The following HSF1 variants were observed in gnomAD, a reference collection of about 807,000 sequenced individuals.
HSF1 encodes the protein heat shock transcription factor 1, also known as heat shock factor protein 1.
Under a neutral mutation model 51.7 loss-of-function variants are expected in HSF1, and 32 were observed. That is an observed-to-expected ratio of 0.62 (90% CI 0.47 to 0.83). HSF1 has a LOEUF of 0.83. HSF1 is among the 40% of genes least tolerant of loss of function. The pLI is 0.00. For missense variants in HSF1, 727 were observed against 717.0 expected, an observed-to-expected ratio of 1.01 and a Z score of -0.16; for synonymous variants, 396 against 309.7, an observed-to-expected ratio of 1.28 and a Z score of -2.92.
At position 144,314,264 on chromosome 8, in the gene HSF1, G is replaced by C; in HGVS notation, c.1524G>C (p.Glu508Asp). ...SYFSEGDGFA[E>D]DPTISLLTGS... ...TCTCCGAAGGGGACGGCTTCGCCGA[G>C]GACCCCACCATCTCCCTGCTGACAG... is the stretch of plus-strand genomic sequence containing the variant. The change falls in exon 13 of 13, where the codon GAG (glutamate) becomes GAC (aspartate). Residue 508 changes from glutamate (E) to aspartate (D), a missense_variant. Glu to Asp is a conservative substitution (Grantham distance 45). Transcript: ENST00000528838. 1 of 1,550,938 alleles carries C rather than the reference G, an allele frequency of 6.4e-7. No homozygotes were observed. The highest frequency in any genetic ancestry group is 8.7e-7 in the Non-Finnish European group (1 of 1,147,216).
chr8:144,292,267 G>C (rs1588616950), intron 1 of HSF1, among the ~76,000 whole-genome samples: 1 of 152,262 alleles, frequency 6.6e-6, no homozygotes, highest in East Asian at 1.9e-4. Flanking sequence ...AGCCTACGGG[G>C]TGCTGGGTCG....
At chr8:144,300,212 C>CTTTTTTTTTT (rs1176636210) in intron 1 of HSF1, among the ~76,000 whole-genome samples, 1 of 87,742 alleles carries the variant, frequency 1.1e-5, no homozygotes, top group Non-Finnish European at 2.1e-5. Context: ...GTTGTGTACT[C>CTTTTTTTTTT]TTTTTTTTTT....
intron 1 of HSF1, among the ~76,000 whole-genome samples, chr8:144,301,592 C>A (rs188777322): frequency 6.6e-6 from 1 of 152,154 alleles, no homozygotes; most frequent in Non-Finnish European, 1.5e-5. Flanking sequence ...AGAGGCCGGG[C>A]GCGGTGGCTC....
At position 144,314,109 on chromosome 8, in the gene HSF1, AC is replaced by A. The variant is rs532852421; in HGVS notation, c.1385-11del. ...GCCCCCAACCCCCCACCGCCTTGAC[AC>A]CCCCACCCCCGCAGGGAAGCAGCTG... is the stretch of plus-strand genomic sequence containing the variant. On this transcript the variant is annotated splice_polypyrimidine_tract_variant and intron_variant, in intron 12 of 12. Transcript: ENST00000528838. 64 of 956,374 alleles carry A rather than the reference AC, an allele frequency of 6.7e-5. 2 individuals are homozygous for A. In the East Asian group the frequency reaches 3.5e-3, roughly 52 times the overall value. The allele number at this position is 956,374 out of a possible 1,614,324, so 59.2% of individuals were successfully genotyped here.
chr8:144,312,241 A>G lies in HSF1; in HGVS notation c.1139A>G (p.Asp380Gly). The change falls in exon 9 of 13, where the codon GAC (aspartate) becomes GGC (glycine). Residue 380 changes from aspartate (D) to glycine (G), a missense_variant. Transcript: ENST00000528838. ...PEKCLSVACLDKNELSDHLDA... is the reference protein window; with the variant it reads ...PEKCLSVACLGKNELSDHLDA... ...AAGTGCCTCAGCGTAGCCTGCCTGG[A>G]CAAGTGAGTGCCGCCCACCCCTGGC... The G allele has an allele frequency of 7.4e-7, 1 of 1,346,268 alleles. No individual in the cohort carries two copies. The highest frequency in any genetic ancestry group is 9.7e-7 in the Non-Finnish European group (1 of 1,026,644). The allele number at this position is 1,346,268 out of a possible 1,614,324, so 83.4% of individuals were successfully genotyped here.
rs782075339 is a variant in HSF1 at position 144,291,778 on chromosome 8, C to T, written c.21C>T (p.Pro7=). 1.6e-5 allele frequency: 24 copies of T among 1,532,146 alleles called. No homozygotes were observed. The highest frequency in any genetic ancestry group is 1.4e-4 in the East Asian group (5 of 36,706). 94.9% of individuals were successfully genotyped at this position (1,532,146 alleles called of 1,614,324 possible). A position where few individuals can be genotyped will look rare whatever the true frequency, so the allele number is the denominator to read the frequency against. The part of the protein sequence containing the change: MDLPVG[P]GAAGPSNVPA... ...TCGAGATGGATCTGCCCGTGGGCCC[C>T]GGCGCGGCGGGGCCCAGCAACGTCC... Residue 7 remains proline (P), a synonymous_variant, in exon 1 of 13, where the codon CCC becomes CCT. Transcript: ENST00000528838. The surrounding 1 kb of genome is among the most constrained non-coding windows in gnomAD (Gnocchi z 4.1).
intron 9 of HSF1, chr8:144,312,741 A>C: frequency 6.6e-7 from 1 of 1,525,236 alleles, no homozygotes; most frequent in Non-Finnish European, 8.8e-7. Context: ...GGGAGGGAGG[A>C]GGGCTCTGCC....
rs370804984 is a variant in HSF1, at chr8:144,314,003, C to A, written c.1333C>A (p.Pro445Thr). ...SLASIQELLS[P>T]QEPPRPPEAE... ...CCCACAGATCCAAGAGCTCCTGTCT[C>A]CCCAGGAGCCCCCCAGGCCTCCCGA... is the stretch of plus-strand genomic sequence containing the variant. Residue 445 changes from proline to threonine, a missense_variant, in exon 12 of 13, where the codon CCC becomes ACC. Pro to Thr is a conservative substitution (Grantham distance 38). Around this residue, in one of 2 missense-constraint regions of HSF1, gnomAD observed 470 missense variants for 398.8 expected, o/e 1.18. Coordinates refer to ENST00000528838, the MANE Select transcript of HSF1 (RefSeq NM_005526.4). 2 of 1,611,294 alleles carry A rather than the reference C, an allele frequency of 1.2e-6. No homozygotes were observed. The highest frequency in any genetic ancestry group is 8.5e-7 in the Non-Finnish European group (1 of 1,179,476).
rs781861503 is a variant in HSF1, at chr8:144,311,852, C to T, written c.860+16C>T. Reference sequence around the variant, plus strand: ...TAGACGAGAGGTGGGGGCCGCATCACCCCAGCCATCCTGTCCCCCAATGAG... The same window carrying T: ...TAGACGAGAGGTGGGGGCCGCATCATCCCAGCCATCCTGTCCCCCAATGAG... On this transcript the variant is annotated intron_variant, in intron 8 of 12. Coordinates refer to ENST00000528838, the MANE Select transcript of HSF1 (RefSeq NM_005526.4). 96 of 1,593,044 alleles carry T rather than the reference C, an allele frequency of 6.0e-5. No homozygotes were observed. Among genetic ancestry groups the T allele is most frequent in the Non-Finnish European group, 6.8e-5 (80 of 1,170,620 alleles).
At chr8:144,300,358 A>G (rs1161683482) in intron 1 of HSF1, among the ~76,000 whole-genome samples, 1 of 151,936 alleles carries the variant, frequency 6.6e-6, no homozygotes, top group Non-Finnish European at 1.5e-5. Context: ...CTGGGACTAC[A>G]GGCACCCGCC....
intron 1 of HSF1, among the ~76,000 whole-genome samples, chr8:144,302,449 G>A (rs537780445): frequency 2.8e-4 from 43 of 151,970 alleles, no homozygotes; most frequent in African/African-American, 9.2e-4. Context: ...AGAGGTTGCA[G>A]TGAGCTGAGA....
At position 144,291,869 on chromosome 8, in the gene HSF1, A is replaced by C. The variant is rs1554840440; in HGVS notation, c.112A>C (p.Ser38Arg). The C allele has an allele frequency of 6.5e-7, 1 of 1,528,636 alleles. No individual in the cohort carries two copies. Among genetic ancestry groups the C allele is most frequent in the Admixed American group, 1.9e-5 (1 of 51,358 alleles). The allele number at this position is 1,528,636 out of a possible 1,614,324, so 94.7% of individuals were successfully genotyped here. ...GGACACCGACGCGCTCATCTGCTGG[A>C]GCCCGGTGAGGGCAGCGCGCGGGCG... The part of the protein sequence containing the change: ...DPDTDALICW[S>R]PSGNSFHVFD... The change falls in exon 1 of 13, where the codon AGC becomes CGC. Residue 38 changes from serine (S) to arginine (R), a missense_variant. Around this residue, in one of 2 missense-constraint regions of HSF1, gnomAD observed 257 missense variants for 318.3 expected, o/e 0.81. Coordinates refer to ENST00000528838, the MANE Select transcript of HSF1 (RefSeq NM_005526.4). The surrounding 1 kb of genome is among the most constrained non-coding windows in gnomAD (Gnocchi z 4.1).
rs191177777 is a variant in HSF1, at chr8:144,314,423, G to A, written c.*93G>A. 1.7e-6 allele frequency: 2 copies of A among 1,143,166 alleles called. No individual in the cohort carries two copies. Among genetic ancestry groups the A allele is most frequent in the East Asian group, 2.6e-5 (1 of 38,538 alleles). 70.8% of individuals were successfully genotyped at this position (1,143,166 alleles called of 1,614,324 possible). Reference sequence around the variant, plus strand: ...GGGCAGCCTCGCGGTCTTGGGCACTGGTGGGTCGGCCGCCATAGCCCCAGT... The same window carrying A: ...GGGCAGCCTCGCGGTCTTGGGCACTAGTGGGTCGGCCGCCATAGCCCCAGT... On this transcript the variant is annotated 3_prime_UTR_variant, in exon 13 of 13. Coordinates refer to ENST00000528838, the MANE Select transcript of HSF1 (RefSeq NM_005526.4).
At chr8:144,313,158 C>A in intron 9 of HSF1, 2 of 382,908 alleles carry the variant, frequency 5.2e-6, no homozygotes, top group East Asian at 1.0e-4. Flanking sequence ...CTGAGCAGAG[C>A]CCCACCTGTT....
chr8:144,314,507 C>G lies in HSF1; in HGVS notation c.*177C>G, dbSNP rs1351504352. 2 of 614,844 alleles carry G rather than the reference C, an allele frequency of 3.3e-6. No homozygotes were observed. The highest frequency in any genetic ancestry group is 1.8e-5 in the African/African-American group (1 of 54,114). 38.1% of individuals were successfully genotyped at this position (614,844 alleles called of 1,614,324 possible). On this transcript the variant is annotated 3_prime_UTR_variant, in exon 13 of 13. Coordinates refer to ENST00000528838, the MANE Select transcript of HSF1 (RefSeq NM_005526.4). ...TGGTCAGGAGGGTCACCCTGGCCTG[C>G]CAGTCTGCCTTCCCCCAACCCCGTG...
chr8:144,306,054 A>G (rs1426435362), intron 1 of HSF1, among the ~76,000 whole-genome samples: 3 of 151,912 alleles, frequency 2.0e-5, no homozygotes, highest in African/African-American at 7.3e-5. Context: ...TTTTAATCTG[A>G]GTTATTAAAC....
At chr8:144,304,470 G>A (rs1816085163) in intron 1 of HSF1, among the ~76,000 whole-genome samples, 2 of 152,132 alleles carry the variant, frequency 1.3e-5, no homozygotes, top group South Asian at 2.1e-4. Flanking sequence ...TGTAGAGATG[G>A]GGTCTCGCTA....
In HSF1 at chr8:144,309,780, C is replaced by T. The variant is rs1205192866; in HGVS notation, c.372C>T (p.Thr124=). 13 of 1,613,590 alleles carry T rather than the reference C, an allele frequency of 8.1e-6. No individual in the cohort carries two copies. Among genetic ancestry groups the T allele is most frequent in the Non-Finnish European group, 4.2e-6 (5 of 1,179,966 alleles). Residue 124 remains threonine (T), a synonymous_variant, in exon 4 of 13, where the codon ACC becomes ACT. Transcript: ENST00000528838. Reference sequence around the variant, plus strand: ...CCCTCTCGGGAATCCAGGTGTCCACCCTGAAGAGTGAAGACATAAAGATCC... The same window carrying T: ...CCCTCTCGGGAATCCAGGTGTCCACTCTGAAGAGTGAAGACATAAAGATCC... The part of the protein sequence containing the change: ...NIKRKVTSVS[T]LKSEDIKIRQ...
Position 144,312,258 on chromosome 8 carries a change from A to T in HSF1, c.1142+14A>T. On this transcript the variant is annotated intron_variant, in intron 9 of 12. Transcript: ENST00000528838. Reference sequence around the variant, plus strand: ...CTGCCTGGACAAGTGAGTGCCGCCCACCCCTGGCCCCACCCACAGCGCCTG... The same window carrying T: ...CTGCCTGGACAAGTGAGTGCCGCCCTCCCCTGGCCCCACCCACAGCGCCTG... 1.8e-6 allele frequency: 2 copies of T among 1,087,464 alleles called. No individual in the cohort carries two copies. The highest frequency in any genetic ancestry group is 2.2e-5 in the African/African-American group (1 of 45,950). The allele number at this position is 1,087,464 out of a possible 1,614,324, so 67.4% of individuals were successfully genotyped here. A position where few individuals can be genotyped will look rare whatever the true frequency, so the allele number is the denominator to read the frequency against.
Sources: allele counts gnomAD v4.1 joint callset (sites outside exome capture counted in the v4.1 genomes callset), GRCh38; gene constraint gnomAD v4.1.1; regional missense constraint gnomAD v4.1.1; non-coding constraint Gnocchi (gnomAD v3.1); transcripts MANE v1.5; gene names NCBI Gene and HGNC (gene_info 2026-07-23, HGNC 2026-07-21).